DGCR8: variants seen among roughly 807,000 people sequenced by gnomAD.
DGCR8 encodes the protein microprocessor complex subunit DGCR8.
DGCR8 carries 14 observed loss-of-function variants against 78.5 expected under a neutral mutation model. The ratio of observed to expected loss-of-function variants is 0.18; its 90% CI spans 0.12 to 0.28. The LOEUF is 0.28. DGCR8 is among the 10% of genes least tolerant of loss of function. The pLI, the probability that DGCR8 is intolerant of heterozygous loss-of-function variation, is 1.00. For synonymous variants in DGCR8, 399 were observed against 402.4 expected (o/e 0.99, Z 0.10); for missense variants, 702 against 1,022.5 (o/e 0.69, Z 4.28).
chr22:20,091,442 G>A lies in DGCR8; in HGVS notation c.1314G>A (p.Glu438=). The A allele has an allele frequency of 6.2e-7, 1 of 1,614,198 alleles. No individual in the cohort carries two copies. Among genetic ancestry groups the A allele is most frequent in the Non-Finnish European group, 8.5e-7 (1 of 1,180,026 alleles). Reference sequence around the variant, plus strand: ...CTGGTAAATCTGGGACAGATCTCGAGGAATTTCGAAGCTACCTGGAGAAGC... The same window carrying A: ...CTGGTAAATCTGGGACAGATCTCGAAGAATTTCGAAGCTACCTGGAGAAGC... ...EVCKDESVDL[E]EFRSYLEKRF... The change falls in exon 6 of 14, where the codon GAG becomes GAA. Residue 438 remains glutamate (E), a synonymous_variant. Transcript: ENST00000351989.
intron 9 of DGCR8, among the ~76,000 whole-genome samples, chr22:20,105,173 G>A (rs1220005415): frequency 6.6e-6 from 1 of 152,238 alleles, no homozygotes; most frequent in Non-Finnish European, 1.5e-5. Flanking sequence ...TGTGTCTGGT[G>A]TTTCTCTAAG....
In DGCR8 at chr22:20,110,810, G is replaced by T. The variant is rs2049832092; in HGVS notation, c.*702G>T. 5.5e-6 allele frequency: 1 copy of T among 180,640 alleles called. No homozygotes were observed. The highest frequency in any genetic ancestry group is 1.1e-5 in the Non-Finnish European group (1 of 87,580). The allele number at this position is 180,640 out of a possible 1,614,324, so 11.2% of individuals were successfully genotyped here. ...CCTGGAGTTACCCTGGCCTCCTAGG[G>T]TCCCTTTTTCTGATGAAGTCTTAAT... On this transcript the variant is annotated 3_prime_UTR_variant, in exon 14 of 14. Coordinates refer to ENST00000351989, the MANE Select transcript of DGCR8 (RefSeq NM_022720.7).
rs570421455 is a variant in DGCR8 at position 20,107,773 on chromosome 22, T to G, written c.2124+375T>G. 1.8e-5 allele frequency: 5 copies of G among 280,728 alleles called. No homozygotes were observed. In the East Asian group the frequency reaches 4.1e-4, roughly 23 times the overall value. The allele number at this position is 280,728 out of a possible 1,614,324, so 17.4% of individuals were successfully genotyped here. A position where few individuals can be genotyped will look rare whatever the true frequency, so the allele number is the denominator to read the frequency against. On this transcript the variant is annotated intron_variant, in intron 12 of 13. Transcript: ENST00000351989. ...CTCTCCCTGCTTGAAGGAGAGCGAG[T>G]GTGTCAGGGTAGCTCTCCCTGGTAC... is the stretch of plus-strand genomic sequence containing the variant.
At chr22:20,100,102 CTG>C (rs1307006123) in intron 9 of DGCR8, among the ~76,000 whole-genome samples, 1 of 152,104 alleles carries the variant, frequency 6.6e-6, no homozygotes, top group Non-Finnish European at 1.5e-5. Context: ...GAGTCTCGCT[CTG>C]TTGCCAGGCT....
chr22:20,080,919 G>A (rs2049410885), intron 1 of DGCR8, among the ~76,000 whole-genome samples: 2 of 152,246 alleles, frequency 1.3e-5, no homozygotes, highest in Non-Finnish European at 2.9e-5. Flanking sequence ...GTTTCTTGTG[G>A]CAGGAGTCTG....
Position 20,101,744 on chromosome 22 carries a change from T to G in DGCR8, c.1789-4433T>G, listed in dbSNP as rs368528479. On this transcript the variant is annotated intron_variant, in intron 9 of 13. Transcript: ENST00000351989. ...ATTTGCTGGTCCTCCCTAGCGAGGC[T>G]CTCAGGTTGTGTCCCCGCCCCCTGC... 2.1e-5 allele frequency: 21 copies of G among 985,338 alleles called. 1 individual carries two copies. In the African/African-American group the frequency reaches 2.6e-4, roughly 12 times the overall value. The allele number at this position is 985,338 out of a possible 1,614,324, so 61.0% of individuals were successfully genotyped here.
In DGCR8 at chr22:20,091,484, A is replaced by G. The variant is rs1431704468; in HGVS notation, c.1356A>G (p.Gln452=). Residue 452 remains glutamine, a synonymous_variant, in exon 6 of 14, where the codon CAA becomes CAG. Transcript: ENST00000351989. ...SYLEKRFDFE[Q]VTVKKFRTWA... ...TGGAGAAGCGTTTTGACTTTGAGCA[A>G]GTTACTGTGAAAAAATTCAGGACTT... 6.2e-7 allele frequency: 1 copy of G among 1,614,102 alleles called. No homozygotes were observed. Among genetic ancestry groups the G allele is most frequent in the African/African-American group, 1.3e-5 (1 of 74,922 alleles).
chr22:20,097,640 TTTTTC>T (rs1438843178), intron 9 of DGCR8, among the ~76,000 whole-genome samples: 2 of 152,064 alleles, frequency 1.3e-5, no homozygotes, highest in Admixed American at 6.5e-5. Context: ...TCTCTGTACT[TTTTTC>T]TTTCTGTTCC....
intron 9 of DGCR8, among the ~76,000 whole-genome samples, chr22:20,099,488 C>T (rs1178545559): frequency 6.6e-6 from 1 of 152,174 alleles, no homozygotes; most frequent in Admixed American, 6.5e-5. Flanking sequence ...GGGCCTGGGG[C>T]CTTGAGGACC....
chr22:20,101,096 C>T (rs2049695197), intron 9 of DGCR8: 1 of 692,362 alleles, frequency 1.4e-6, no homozygotes, highest in African/African-American at 1.9e-5. Flanking sequence ...TCAGCATAAG[C>T]TCTGTGGTGG....
intron 10 of DGCR8, 144 bp from the exon 11 acceptor site, chr22:20,106,448 G>T (rs927819126): frequency 1.2e-6 from 1 of 806,888 alleles, no homozygotes. Context: ...TGAATCGGGC[G>T]TGTGGAGAAT....
intron 8 of DGCR8, among the ~76,000 whole-genome samples, chr22:20,093,933 C>G (rs2049596528): frequency 6.6e-6 from 1 of 152,220 alleles, no homozygotes; most frequent in Admixed American, 6.5e-5. Flanking sequence ...CGTGTGTTTT[C>G]CAGAAGGCCT....
chr22:20,107,515 C>G, intron 12 of DGCR8, 117 bp downstream of exon 12: 1 of 1,328,952 alleles, frequency 7.5e-7, no homozygotes, highest in Non-Finnish European at 1.1e-6. Flanking sequence ...TCACAGCTGC[C>G]TCTCTCCTGG....
chr22:20,093,903 C>A (rs896607605), intron 8 of DGCR8, among the ~76,000 whole-genome samples: 4 of 152,200 alleles, frequency 2.6e-5, no homozygotes, highest in Non-Finnish European at 5.9e-5. Context: ...CAGGTTGATT[C>A]TCGAGGTATC....
intron 9 of DGCR8, among the ~76,000 whole-genome samples, chr22:20,100,047 A>G (rs957771694): frequency 3.3e-5 from 5 of 152,146 alleles, no homozygotes; most frequent in African/African-American, 7.2e-5. Flanking sequence ...TCCAAGTACT[A>G]GCTGTTCCAG....
In DGCR8 at chr22:20,086,237, A is replaced by G. The variant is rs751003558; in HGVS notation, c.274A>G (p.Ser92Gly). Residue 92 changes from serine to glycine, a missense_variant, in exon 2 of 14, where the codon AGT becomes GGT. Physicochemically the swap from Ser to Gly is moderately conservative, Grantham distance 56 (BLOSUM62 0). Transcript: ENST00000351989. The surrounding 1 kb of genome is among the most constrained non-coding windows in gnomAD (Gnocchi z 6.4). ...KGRLLIDPNC[S>G]GHSPRTARHA... ...CCGCCTCCTCATAGACCCGAACTGTAGTGGCCACAGCCCGCGCACCGCCCG... is the reference window on the plus strand; with the variant it reads ...CCGCCTCCTCATAGACCCGAACTGTGGTGGCCACAGCCCGCGCACCGCCCG... 15 of 1,614,044 alleles carry G rather than the reference A, an allele frequency of 9.3e-6. No individual in the cohort carries two copies. The highest frequency in any genetic ancestry group is 1.7e-5 in the Admixed American group (1 of 60,020).
At position 20,110,942 on chromosome 22, in the gene DGCR8, T is replaced by C. The variant is rs796566662; in HGVS notation, c.*834T>C. ...GCAGTCGAGTCCATATGTCCACCCA[T>C]TGATTTTTAAAGCTTTTGTGATATT... On this transcript the variant is annotated 3_prime_UTR_variant, in exon 14 of 14. Transcript: ENST00000351989. The C allele has an allele frequency of 4.5e-5, 17 of 377,096 alleles. No homozygotes were observed. Among genetic ancestry groups the C allele is most frequent in the African/African-American group, 2.7e-4 (13 of 48,348 alleles). 23.4% of individuals were successfully genotyped at this position (377,096 alleles called of 1,614,324 possible).
At chr22:20,098,930 T>G (rs953262011) in intron 9 of DGCR8, among the ~76,000 whole-genome samples, 2 of 152,266 alleles carry the variant, frequency 1.3e-5, no homozygotes, top group African/African-American at 4.8e-5. Context: ...ACAGTTTACC[T>G]CATAATAGTG....
At chr22:20,093,885 C>T (rs892155348) in intron 8 of DGCR8, among the ~76,000 whole-genome samples, 3 of 152,230 alleles carry the variant, frequency 2.0e-5, no homozygotes, top group Non-Finnish European at 4.4e-5. Context: ...CCCAGGCCCT[C>T]GCACCCACAG....
Sources: allele counts gnomAD v4.1 joint callset (sites outside exome capture counted in the v4.1 genomes callset), GRCh38; gene constraint gnomAD v4.1.1; non-coding constraint Gnocchi (gnomAD v3.1); transcripts MANE v1.5; gene names NCBI Gene and HGNC (gene_info 2026-07-23, HGNC 2026-07-21).